The following CHRM3 variants were observed in gnomAD, a reference collection of about 807,000 sequenced individuals.
CHRM3 encodes the protein cholinergic receptor muscarinic 3.
In CHRM3, 11 loss-of-function variants were observed where a neutral mutation model predicts 41.8. The ratio of observed to expected loss-of-function variants is 0.26; its 90% CI spans 0.17 to 0.44. The LOEUF is 0.44. CHRM3 is among the 20% of genes least tolerant of loss of function. CHRM3 has a pLI of 1.00. For missense variants in CHRM3, 571 were observed against 745.4 expected (o/e 0.77, Z 2.72); for synonymous variants, 297 against 301.4 (o/e 0.99, Z 0.15).
Position 239,823,618 on chromosome 1 carries a change from A to G in CHRM3, c.-146-3634A>G, listed in dbSNP as rs140842144. ...TAAAATATTTTTAATTTAATCACTT[A>G]TTAATGCACTGAAATCATCCTTCAG... On this transcript the variant is annotated intron_variant, in intron 5 of 6. Coordinates refer to ENST00000676153, the MANE Select transcript of CHRM3 (RefSeq NM_001375978.1). Among the ~76,000 whole-genome samples the G allele has an allele frequency of 2.5e-3, 377 of 152,226 alleles. 2 individuals are homozygous for G. The highest frequency in any genetic ancestry group is 3.4e-3 in the Middle Eastern group (1 of 294).
intron 1 of CHRM3, among the ~76,000 whole-genome samples, chr1:239,469,509 G>T (rs1423735259): frequency 6.6e-6 from 1 of 151,896 alleles, no homozygotes; most frequent in Non-Finnish European, 1.5e-5. Context: ...TAGTTGTGAG[G>T]GTTATGTTTT....
intron 6 of CHRM3, among the ~76,000 whole-genome samples, chr1:239,892,107 T>C (rs944025674): frequency 1.6e-4 from 25 of 152,366 alleles, no homozygotes; most frequent in African/African-American, 5.5e-4. Context: ...TGTTTTAGAA[T>C]AAGGATTCAC....
chr1:239,837,434 A>C (rs1259662983), intron 6 of CHRM3, among the ~76,000 whole-genome samples: 1 of 152,210 alleles, frequency 6.6e-6, no homozygotes, highest in East Asian at 1.9e-4. Flanking sequence ...ACTCTGAAGC[A>C]GGGATCAGGT....
At chr1:239,893,498 G>T (rs1678718370) in intron 6 of CHRM3, among the ~76,000 whole-genome samples, 2 of 152,176 alleles carry the variant, frequency 1.3e-5, no homozygotes, top group Non-Finnish European at 2.9e-5. Context: ...CTTGGGACAA[G>T]TCTTCAACTC....
In CHRM3 at chr1:239,548,765, C is replaced by T. The variant is rs541913990; in HGVS notation, c.-313+3016C>T. On this transcript the variant is annotated intron_variant, in intron 3 of 6. Coordinates refer to ENST00000676153, the MANE Select transcript of CHRM3 (RefSeq NM_001375978.1). Reference sequence around the variant, plus strand: ...TGATGCTGTCCTGCCCTCCCAGGGCCTGCAGCATGCCATACTTCTAGCCCT... The same window carrying T: ...TGATGCTGTCCTGCCCTCCCAGGGCTTGCAGCATGCCATACTTCTAGCCCT... Among the ~76,000 whole-genome samples the T allele has an allele frequency of 2.0e-5, 3 of 152,308 alleles. No homozygotes were observed. The South Asian group carries it at 6.2e-4, about 32-fold the overall frequency.
At chr1:239,613,207 T>G (rs1464596599) in intron 3 of CHRM3, among the ~76,000 whole-genome samples, 1 of 152,120 alleles carries the variant, frequency 6.6e-6, no homozygotes, top group East Asian at 1.9e-4. Context: ...AAGCCCAAGA[T>G]TTTGCTAAAC....
At chr1:239,753,195 A>G (rs533274748) in intron 5 of CHRM3, among the ~76,000 whole-genome samples, 36 of 152,334 alleles carry the variant, frequency 2.4e-4, no homozygotes, top group African/African-American at 8.4e-4. Context: ...AAACGTATAG[A>G]TAGGTCATTA....
chr1:239,681,125 C>T (rs1658518887), intron 5 of CHRM3, among the ~76,000 whole-genome samples: 1 of 152,100 alleles, frequency 6.6e-6, no homozygotes, highest in Non-Finnish European at 1.5e-5. Flanking sequence ...TCCATGATTC[C>T]ATTACCTCCC....
intron 5 of CHRM3, among the ~76,000 whole-genome samples, chr1:239,727,134 C>G (rs758549200): frequency 3.3e-5 from 5 of 151,858 alleles, no homozygotes; most frequent in African/African-American, 4.8e-5. Context: ...AAAGCACTAA[C>G]AATGTGCTTG....
At chr1:239,528,842 G>A (rs887170005) in intron 2 of CHRM3, among the ~76,000 whole-genome samples, 12 of 151,676 alleles carry the variant, frequency 7.9e-5, no homozygotes, top group Admixed American at 2.6e-4. Flanking sequence ...GCAGTGAGCC[G>A]AGATCACACC....
At chr1:239,476,477 A>G (rs2147973028) in intron 1 of CHRM3, among the ~76,000 whole-genome samples, 1 of 151,958 alleles carries the variant, frequency 6.6e-6, no homozygotes, top group African/African-American at 2.4e-5. Context: ...AAAAAAAAAA[A>G]AAAATTGCTG....
At chr1:239,794,189 A>G (rs1421322384) in intron 5 of CHRM3, among the ~76,000 whole-genome samples, 1 of 152,170 alleles carries the variant, frequency 6.6e-6, no homozygotes, top group Non-Finnish European at 1.5e-5. Flanking sequence ...TATAGAGATT[A>G]AATAAAATAA....
chr1:239,709,111 C>T (rs758153242), intron 5 of CHRM3, among the ~76,000 whole-genome samples: 14 of 152,028 alleles, frequency 9.2e-5, no homozygotes, highest in Non-Finnish European at 1.5e-4. Context: ...TATGTTTAAA[C>T]GTACAATGCT....
chr1:239,834,267 C>T (rs1673122594), intron 6 of CHRM3, among the ~76,000 whole-genome samples: 1 of 149,146 alleles, frequency 6.7e-6, no homozygotes, highest in Admixed American at 6.7e-5. Context: ...AATAAATACT[C>T]AACTCTCTAC....
intron 3 of CHRM3, among the ~76,000 whole-genome samples, chr1:239,570,773 A>G (rs1402685736): frequency 6.6e-6 from 1 of 152,168 alleles, no homozygotes; most frequent in Non-Finnish European, 1.5e-5. Context: ...TCCCAAAAGA[A>G]GTAAGTGACT....
intron 1 of CHRM3, among the ~76,000 whole-genome samples, chr1:239,446,937 C>G (rs1314452041): frequency 6.6e-6 from 1 of 151,928 alleles, no homozygotes; most frequent in Non-Finnish European, 1.5e-5. Context: ...AAGCAGGATC[C>G]AAAAACTATG....
At chr1:239,391,084 G>A (rs1190635337) in intron 1 of CHRM3, among the ~76,000 whole-genome samples, 1 of 152,176 alleles carries the variant, frequency 6.6e-6, no homozygotes, top group African/African-American at 2.4e-5. Context: ...ACTGCAGTGA[G>A]TCAGGATCAT....
intron 3 of CHRM3, among the ~76,000 whole-genome samples, chr1:239,552,505 T>TA (rs1553325434): frequency 5.0e-4 from 65 of 130,348 alleles, no homozygotes; most frequent in African/African-American, 1.8e-3. Context: ...AAAATATATA[T>TA]TTTATATATA....
intron 4 of CHRM3, among the ~76,000 whole-genome samples, chr1:239,651,008 A>C (rs536599468): frequency 2.8e-4 from 42 of 152,178 alleles, no homozygotes; most frequent in Admixed American, 6.6e-4. Flanking sequence ...ATGTGTTTTG[A>C]TTTCTGAATG....
Sources: allele counts gnomAD v4.1 joint callset (sites outside exome capture counted in the v4.1 genomes callset), GRCh38; gene constraint gnomAD v4.1.1; transcripts MANE v1.5; gene names NCBI Gene and HGNC (gene_info 2026-07-23, HGNC 2026-07-21).